The following EEF1E1 variants were observed in gnomAD, a reference collection of about 807,000 sequenced individuals.
EEF1E1 encodes eukaryotic translation elongation factor 1 epsilon 1.
A neutral mutation model predicts 19.9 loss-of-function variants in EEF1E1; 19 were observed. The observed-to-expected ratio is 0.95, with a 90% CI of 0.66 to 1.40. The LOEUF is 1.40. Ranked by LOEUF, EEF1E1 falls within the 40% of genes most tolerant of loss-of-function variation. The pLI is 0.00. For synonymous variants in EEF1E1, 81 were observed against 80.0 expected (o/e 1.01, Z -0.07); for missense variants, 198 against 202.2 (o/e 0.98, Z 0.13).
downstream of EEF1E1, among the ~76,000 whole-genome samples, chr6:8,075,321 C>T (rs2815160): frequency 0.28 from 41,889 of 152,072 alleles, 6,758 homozygotes; most frequent in East Asian, 0.43. Context: ...CTCCTGAGGG[C>T]AATGAATTGT....
chr6:8,081,658 A>G (rs1757726304), intron 3 of EEF1E1, among the ~76,000 whole-genome samples: 1 of 152,230 alleles, frequency 6.6e-6, no homozygotes, highest in South Asian at 2.1e-4. Flanking sequence ...AAGAAAATGT[A>G]CGATTTATTA....
chr6:8,097,511 C>T lies in EEF1E1; in HGVS notation c.88-44G>A, dbSNP rs763934150. On this transcript the variant is annotated intron_variant, in intron 1 of 3. Transcript: ENST00000379715. The stretch of plus-strand genomic sequence containing the variant: ...TTCACAGAATTTAAAAAACAAGGAC[C>T]ACATCATGATTATAACTTCTAAGTA... 21 of 1,521,062 alleles carry T rather than the reference C, an allele frequency of 1.4e-5. No homozygotes were observed. In the East Asian group the frequency reaches 4.9e-4, roughly 35 times the overall value. The allele number at this position is 1,521,062 out of a possible 1,614,324, so 94.2% of individuals were successfully genotyped here.
intron 1 of EEF1E1, among the ~76,000 whole-genome samples, chr6:8,099,791 C>CACACACAAA (rs768224090): frequency 3.5e-5 from 4 of 114,628 alleles, no homozygotes; most frequent in African/African-American, 6.6e-5. Flanking sequence ...CACACACACA[C>CACACACAAA]AAAAAAAAAA....
At chr6:8,091,927 C>G (rs764473489) in intron 2 of EEF1E1, among the ~76,000 whole-genome samples, 1 of 152,166 alleles carries the variant, frequency 6.6e-6, no homozygotes, top group East Asian at 1.9e-4. Context: ...AATACATAGA[C>G]TGGGTGGCAT....
At chr6:8,094,254 A>C (rs1292087862) in intron 2 of EEF1E1, among the ~76,000 whole-genome samples, 2 of 152,204 alleles carry the variant, frequency 1.3e-5, no homozygotes, top group African/African-American at 4.8e-5. Context: ...TGAGCAACAT[A>C]GCTTTAAAAA....
At chr6:8,081,404 A>G (rs181804190) in intron 3 of EEF1E1, among the ~76,000 whole-genome samples, 15 of 152,314 alleles carry the variant, frequency 9.8e-5, no homozygotes, top group African/African-American at 1.7e-4. Context: ...TTTTAACGTA[A>G]AAGTTTAATT....
intron 3 of EEF1E1, 53 bp from the exon 4 acceptor site, chr6:8,080,083 A>G: frequency 2.3e-5 from 37 of 1,575,894 alleles, no homozygotes; most frequent in Non-Finnish European, 3.0e-5. Context: ...CATAAGCACA[A>G]CTGTTAATAT....
rs1758394969 is a variant in EEF1E1, at chr6:8,102,485, A to T, written c.37T>A (p.Ser13Thr). Residue 13 changes from serine (S) to threonine (T), a missense_variant, in exon 1 of 4, where the codon TCC becomes ACC. Coordinates refer to ENST00000379715, the MANE Select transcript of EEF1E1 (RefSeq NM_004280.5). ...TTATTCCCCTTACTCAGTCCCAGGG[A>T]CTTCTCCAGTAGCGACAACTCTGCG... ...AAAELSLLEK[S>T]LGLSKGNKYS... The T allele has an allele frequency of 6.2e-7, 1 of 1,612,154 alleles. No individual in the cohort carries two copies. The highest frequency in any genetic ancestry group is 8.5e-7 in the Non-Finnish European group (1 of 1,179,940).
At chr6:8,084,785 G>T (rs1232282413) in intron 3 of EEF1E1, among the ~76,000 whole-genome samples, 1 of 152,130 alleles carries the variant, frequency 6.6e-6, no homozygotes, top group South Asian at 2.1e-4. Context: ...AGCCCTGTTG[G>T]GTAGCCATGC....
At chr6:8,079,362 A>T, downstream of EEF1E1, 1 of 977,264 alleles carries the variant, frequency 1.0e-6, no homozygotes, top group Non-Finnish European at 1.2e-6. Context: ...CCCAATGAGT[A>T]CTGACTACAG....
chr6:8,096,212 G>C (rs1425831349), intron 2 of EEF1E1, among the ~76,000 whole-genome samples: 1 of 152,136 alleles, frequency 6.6e-6, no homozygotes, highest in Non-Finnish European at 1.5e-5. Flanking sequence ...TCGGAATCAA[G>C]TACTTCATTA....
chr6:8,095,001 T>A (rs954190348), intron 2 of EEF1E1, among the ~76,000 whole-genome samples: 7 of 152,222 alleles, frequency 4.6e-5, no homozygotes, highest in Admixed American at 4.6e-4. Flanking sequence ...CAGGTAAGGC[T>A]TGCAGTTAAC....
At chr6:8,092,358 GCAAA>G (rs901064568) in intron 2 of EEF1E1, among the ~76,000 whole-genome samples, 4 of 152,212 alleles carry the variant, frequency 2.6e-5, no homozygotes, top group East Asian at 1.9e-4. Context: ...CTTTGAGTTT[GCAAA>G]CAAAGTTAAC....
intron 3 of EEF1E1, among the ~76,000 whole-genome samples, chr6:8,081,111 A>T (rs1191637690): frequency 1.3e-5 from 2 of 152,242 alleles, no homozygotes; most frequent in Non-Finnish European, 1.5e-5. Flanking sequence ...TTCTCATTAA[A>T]TGTTTATTTG....
Position 8,097,324 on chromosome 6 carries a change from G to A in EEF1E1, c.231C>T (p.Tyr77=). 1 of 1,614,154 alleles carries A rather than the reference G, an allele frequency of 6.2e-7. No homozygotes were observed. Among genetic ancestry groups the A allele is most frequent in the African/African-American group, 1.3e-5 (1 of 75,046 alleles). The stretch of plus-strand genomic sequence containing the variant: ...AGTGCCCATCTACTTGAGTGACCCT[G>A]TATTCTAACCACTGCTGAACGATTG... ...EKAIVQQWLE[Y]RVTQVDGHSS... The change falls in exon 2 of 4, where the codon TAC becomes TAT. Residue 77 remains tyrosine (Y), a synonymous_variant. Coordinates refer to ENST00000379715, the MANE Select transcript of EEF1E1 (RefSeq NM_004280.5).
chr6:8,098,179 G>A (rs1471210354), intron 1 of EEF1E1, among the ~76,000 whole-genome samples: 1 of 151,906 alleles, frequency 6.6e-6, no homozygotes, highest in Non-Finnish European at 1.5e-5. Context: ...GAGTGCAGTG[G>A]CATGGTCTCG....
chr6:8,088,094 C>A (rs1581464670), intron 3 of EEF1E1, among the ~76,000 whole-genome samples: 1 of 151,586 alleles, frequency 6.6e-6, no homozygotes, highest in African/African-American at 2.4e-5. Flanking sequence ...TAAAATGGGG[C>A]TATTATTAGT....
chr6:8,083,846 T>C (rs919268458), intron 3 of EEF1E1, among the ~76,000 whole-genome samples: 3 of 152,186 alleles, frequency 2.0e-5, no homozygotes, highest in Non-Finnish European at 4.4e-5. Flanking sequence ...GTGGCCAATC[T>C]GCACCTCACA....
intron 3 of EEF1E1, 54 bp downstream of exon 3, chr6:8,090,132 A>T: frequency 7.1e-7 from 1 of 1,400,652 alleles, no homozygotes; most frequent in Non-Finnish European, 9.6e-7. Context: ...ACAAAGTTTT[A>T]AAAATCATTC....
Sources: allele counts gnomAD v4.1 joint callset (sites outside exome capture counted in the v4.1 genomes callset), GRCh38; gene constraint gnomAD v4.1.1; transcripts MANE v1.5; gene names NCBI Gene and HGNC (gene_info 2026-07-23, HGNC 2026-07-21).